PPP2R2C: variants seen among roughly 807,000 people sequenced by gnomAD.
PPP2R2C encodes protein phosphatase 2, regulatory subunit B, gamma.
PPP2R2C carries 10 observed loss-of-function variants against 45.3 expected under a neutral mutation model. The observed-to-expected ratio is 0.22, with a 90% CI of 0.14 to 0.37. The LOEUF (loss-of-function observed/expected upper bound fraction) is 0.37, where lower values mean the gene tolerates loss of function less well. Ranked by LOEUF, PPP2R2C falls within the 10% of genes least tolerant of loss-of-function variation. The pLI, the probability that PPP2R2C is intolerant of heterozygous loss-of-function variation, is 1.00. For synonymous variants in PPP2R2C, 257 were observed against 245.4 expected (o/e 1.05, Z -0.44); for missense variants, 308 against 619.7 (o/e 0.50, Z 5.34).
chr4:6,521,432 T>C (rs1724023708), intron 2 of PPP2R2C, among the ~76,000 whole-genome samples: 1 of 152,206 alleles, frequency 6.6e-6, no homozygotes, highest in South Asian at 2.1e-4. Context: ...CAATGTATCA[T>C]TCAGGTGGGT....
intron 2 of PPP2R2C, among the ~76,000 whole-genome samples, chr4:6,519,362 G>C: frequency 6.6e-6 from 1 of 152,210 alleles, no homozygotes. Flanking sequence ...GGTATGAGGA[G>C]GGAGAACAGA....
chr4:6,552,905 A>G lies in PPP2R2C; in HGVS notation c.-59+10655T>C, dbSNP rs140017895. Among the ~76,000 whole-genome samples, 253 of 152,342 alleles carry G rather than the reference A, an allele frequency of 1.7e-3. 1 individual carries two copies. Among genetic ancestry groups the G allele is most frequent in the Non-Finnish European group, 3.2e-3 (218 of 68,044 alleles). ...GAGGCAAGAGCCAGTTTCAGGATGA[A>G]TGGCCACACACATGCCCCAGTTCCA... is the stretch of plus-strand genomic sequence containing the variant. On this transcript the variant is annotated intron_variant, in intron 1 of 9. Coordinates refer to the PPP2R2C transcript ENST00000506140.
chr4:6,455,189 T>C (rs1394384041), intron 1 of PPP2R2C, among the ~76,000 whole-genome samples: 1 of 152,202 alleles, frequency 6.6e-6, no homozygotes, highest in Admixed American at 6.5e-5. Flanking sequence ...CAAACAAAAA[T>C]GTTTTGCCCA....
chr4:6,491,937 T>C (rs1417757417), intron 2 of PPP2R2C, among the ~76,000 whole-genome samples: 2 of 152,194 alleles, frequency 1.3e-5, no homozygotes, highest in African/African-American at 4.8e-5. Context: ...TAGTTCCTTA[T>C]AGCAATGCGA....
At chr4:6,492,625 A>C (rs1722732025) in intron 2 of PPP2R2C, among the ~76,000 whole-genome samples, 1 of 152,196 alleles carries the variant, frequency 6.6e-6, no homozygotes, top group African/African-American at 2.4e-5. Context: ...TATAATTCTC[A>C]GTAGACTGGA....
At chr4:6,523,983 G>A (rs1055181505) in intron 2 of PPP2R2C, among the ~76,000 whole-genome samples, 29 of 152,068 alleles carry the variant, frequency 1.9e-4, no homozygotes, top group East Asian at 9.6e-4. Context: ...GCGTGATCTC[G>A]GTTCACTGCA....
chr4:6,413,333 G>A (rs1280861468), intron 1 of PPP2R2C, among the ~76,000 whole-genome samples: 1 of 152,218 alleles, frequency 6.6e-6, no homozygotes, highest in Non-Finnish European at 1.5e-5. Flanking sequence ...GATACACACT[G>A]ACACACTCTC....
At chr4:6,382,058 C>T in intron 1 of PPP2R2C, 1 of 1,402,512 alleles carries the variant, frequency 7.1e-7, no homozygotes. Flanking sequence ...GAGGCCTGCT[C>T]CACCAACAAG....
At chr4:6,352,864 A>T (rs1326656262) in intron 5 of PPP2R2C, among the ~76,000 whole-genome samples, 1 of 152,164 alleles carries the variant, frequency 6.6e-6, no homozygotes, top group East Asian at 1.9e-4. Flanking sequence ...GTAGTTAAAG[A>T]TCTTGAGATG....
chr4:6,374,578 A>C (rs1035049955), intron 4 of PPP2R2C, among the ~76,000 whole-genome samples: 1 of 152,216 alleles, frequency 6.6e-6, no homozygotes, highest in Admixed American at 6.5e-5. Context: ...GAAGGCCAGT[A>C]GGGTTTTATG....
intron 2 of PPP2R2C, among the ~76,000 whole-genome samples, chr4:6,520,311 A>G (rs1380631429): frequency 6.6e-6 from 1 of 152,182 alleles, no homozygotes; most frequent in African/African-American, 2.4e-5. Flanking sequence ...CTCTGTCAAC[A>G]GCCAACATTA....
rs950390157 is a variant in PPP2R2C, at chr4:6,368,744, G to C, written c.625+3779C>G. 6.6e-6 allele frequency among the ~76,000 whole-genome samples: 1 copy of C among 151,936 alleles called. No homozygotes were observed. Among genetic ancestry groups the C allele is most frequent in the Non-Finnish European group, 1.5e-5 (1 of 67,982 alleles). ...GCCTCCCACCCGTGGCCACGCTCTG[G>C]CCCTGCCTCTCACTCTCTCTCCCCG... On this transcript the variant is annotated intron_variant, in intron 5 of 8. Coordinates refer to ENST00000382599, the MANE Select transcript of PPP2R2C (RefSeq NM_020416.4). The surrounding 1 kb of genome is among the most constrained non-coding windows in gnomAD (Gnocchi z 4.2).
chr4:6,455,537 C>T (rs1720977652), intron 1 of PPP2R2C, among the ~76,000 whole-genome samples: 1 of 152,168 alleles, frequency 6.6e-6, no homozygotes, highest in Non-Finnish European at 1.5e-5. Flanking sequence ...GCCTGAAAAC[C>T]CTCTCCACCC....
chr4:6,391,423 C>T (rs892277926), intron 1 of PPP2R2C, among the ~76,000 whole-genome samples: 5 of 152,330 alleles, frequency 3.3e-5, no homozygotes, highest in Non-Finnish European at 5.9e-5. Context: ...TCTGCACACG[C>T]GCTGGGCCTC....
rs112236175 is a variant in PPP2R2C, at chr4:6,329,184, G to A, written c.1052+78C>T. On this transcript the variant is annotated intron_variant, in intron 8 of 8. Coordinates refer to ENST00000382599, the MANE Select transcript of PPP2R2C (RefSeq NM_020416.4). The surrounding 1 kb of genome is among the most constrained non-coding windows in gnomAD (Gnocchi z 5.8). ...GAGTAGCCCCATGCTGCGGGTCACCGGAATCCCAGCCCAGACCCCTGCAGG... is the reference window on the plus strand; with the variant it reads ...GAGTAGCCCCATGCTGCGGGTCACCAGAATCCCAGCCCAGACCCCTGCAGG... 0.034 allele frequency: 47,592 copies of A among 1,406,250 alleles called. 886 individuals are homozygous for A. The highest frequency in any genetic ancestry group is 0.047 in the African/African-American group (3,308 of 70,976). 87.1% of individuals were successfully genotyped at this position (1,406,250 alleles called of 1,614,324 possible).
intron 1 of PPP2R2C, chr4:6,421,059 T>A (rs116456820): frequency 3.0e-6 from 3 of 985,232 alleles, no homozygotes; most frequent in Non-Finnish European, 3.6e-6. Context: ...TTCTTCCTAT[T>A]TGGGGTGTCC....
rs183859307 is a variant in PPP2R2C at position 6,434,615 on chromosome 4, T to G, written c.70+37545A>C. 3.3e-3 allele frequency among the ~76,000 whole-genome samples: 509 copies of G among 152,240 alleles called. 5 individuals carry two copies. Among genetic ancestry groups the G allele is most frequent in the African/African-American group, 0.012 (482 of 41,546 alleles). ...CTCAAGTGATCTGCCAATCTCGGCC[T>G]CCCAAAGTGCTGGGATTACAGGCAT... On this transcript the variant is annotated intron_variant, in intron 1 of 8. Transcript: ENST00000382599.
chr4:6,546,519 C>G (rs62286159), intron 1 of PPP2R2C, among the ~76,000 whole-genome samples: 44,459 of 152,090 alleles, frequency 0.29, 6,669 homozygotes, highest in Non-Finnish European at 0.34. Context: ...ATGACTAGCC[C>G]AGGGCCACAC....
intron 2 of PPP2R2C, among the ~76,000 whole-genome samples, chr4:6,511,851 G>A (rs1459971657): frequency 4.0e-5 from 4 of 99,100 alleles, no homozygotes; most frequent in Non-Finnish European, 4.5e-5. Flanking sequence ...TGGTGGTGGT[G>A]GTGGTGGTGG....
Sources: gnomAD v4.1 joint callset for allele counts (sites outside exome capture counted in the v4.1 genomes callset) on GRCh38, gnomAD v4.1.1 for gene constraint, Gnocchi (gnomAD v3.1) non-coding constraint, MANE v1.5 for transcripts, NCBI Gene and HGNC (gene_info 2026-07-23, HGNC 2026-07-21) for gene names.